TRMT10B: variants seen among roughly 807,000 people sequenced by gnomAD.
The protein encoded by TRMT10B is tRNA methyltransferase 10 homolog B.
In TRMT10B, 33 loss-of-function variants were observed where a neutral mutation model predicts 43.8. The ratio of observed to expected loss-of-function variants is 0.75; its 90% CI spans 0.57 to 1.01. The LOEUF is 1.01. TRMT10B is among the 50% of genes least tolerant of loss of function. The pLI is 0.00. For missense variants in TRMT10B, 362 were observed against 369.8 expected, an observed-to-expected ratio of 0.98 and a Z score of 0.17; for synonymous variants, 137 against 130.6, an observed-to-expected ratio of 1.05 and a Z score of -0.34.
intron 5 of TRMT10B, among the ~76,000 whole-genome samples, chr9:37,768,521 T>C (rs566775860): frequency 2.6e-5 from 4 of 152,344 alleles, no homozygotes; most frequent in Admixed American, 2.0e-4. Flanking sequence ...TTCTCATTAA[T>C]GGTGAATTGG....
chr9:37,775,050 A>G (rs1827993590), intron 7 of TRMT10B, among the ~76,000 whole-genome samples: 1 of 152,240 alleles, frequency 6.6e-6, no homozygotes, highest in African/African-American at 2.4e-5. Flanking sequence ...CCTTGGGGGA[A>G]TAGACCTAGG....
At chr9:37,756,967 G>C (rs917364092) in intron 1 of TRMT10B, among the ~76,000 whole-genome samples, 1 of 151,222 alleles carries the variant, frequency 6.6e-6, no homozygotes, top group Non-Finnish European at 1.5e-5. Flanking sequence ...CCAGGAGTTC[G>C]ATACTGGCCT....
intron 4 of TRMT10B, 34 bp from the exon 5 acceptor site, chr9:37,768,042 G>A: frequency 6.2e-7 from 1 of 1,609,550 alleles, no homozygotes; most frequent in Non-Finnish European, 8.5e-7. Context: ...GAGTTGGCAT[G>A]TTTTTGCCCT....
chr9:37,766,887 GTGTATAAGAATGCT>G lies in TRMT10B; in HGVS notation c.421-1185_421-1172del, dbSNP rs573776392. On this transcript the variant is annotated intron_variant, in intron 4 of 8. Coordinates refer to ENST00000297994, the MANE Select transcript of TRMT10B (RefSeq NM_144964.4). ...TGATTTGGCTGTTTGTCTGTTATTGGTGTATAAGAATGCTTGTGATTTTTGCACATTGATTTTGT... is the reference window on the plus strand; with the variant it reads ...TGATTTGGCTGTTTGTCTGTTATTGGTGTGATTTTTGCACATTGATTTTGT... The G allele has an allele frequency of 2.6e-5, 4 of 152,286 alleles. No individual in the cohort carries two copies. The South Asian group carries it at 8.3e-4, about 32-fold the overall frequency. 9.4% of individuals were successfully genotyped at this position (152,286 alleles called of 1,614,324 possible).
Position 37,762,083 on chromosome 9 carries a change from A to G in TRMT10B, c.152A>G (p.Glu51Gly). 6.2e-7 allele frequency: 1 copy of G among 1,614,030 alleles called. No individual in the cohort carries two copies. The highest frequency in any genetic ancestry group is 2.2e-5 in the East Asian group (1 of 44,870). ...GCGGAAGGCGAGTGCCAGGAGGGAG[A>G]GATCCTGGCCACAGGCAGTACGGCA... ...IDAEGECQEG[E>G]ILATGSTAWC... Residue 51 changes from glutamate (E) to glycine (G), a missense_variant, in exon 2 of 9, where the codon GAG becomes GGG. Coordinates refer to ENST00000297994, the MANE Select transcript of TRMT10B (RefSeq NM_144964.4).
intron 1 of TRMT10B, among the ~76,000 whole-genome samples, chr9:37,761,580 C>A (rs1464830448): frequency 3.3e-5 from 5 of 152,268 alleles, no homozygotes; most frequent in Admixed American, 3.3e-4. Context: ...TGCCTGTAAT[C>A]CCAGCTACTC....
chr9:37,752,928 A>C (rs546508216), upstream of TRMT10B, among the ~76,000 whole-genome samples: 3 of 152,106 alleles, frequency 2.0e-5, no homozygotes, highest in Non-Finnish European at 2.9e-5. Flanking sequence ...GCCTTTCTGG[A>C]CTGTGGGTGC....
chr9:37,771,964 C>T (rs1589040790), intron 7 of TRMT10B, among the ~76,000 whole-genome samples: 1 of 152,248 alleles, frequency 6.6e-6, no homozygotes, highest in East Asian at 1.9e-4. Context: ...CCACCTCAGC[C>T]TTCTGAGTAG....
In TRMT10B at chr9:37,770,037, T is replaced by A. The variant is rs1337665710; in HGVS notation, c.652+18T>A. 6.3e-7 allele frequency: 1 copy of A among 1,591,794 alleles called. No homozygotes were observed. Among genetic ancestry groups the A allele is most frequent in the South Asian group, 1.1e-5 (1 of 90,610 alleles). On this transcript the variant is annotated intron_variant, in intron 6 of 8. Transcript: ENST00000297994. ...AGAACACGGTATGTAGTTGAATGCA[T>A]GGATTCGTATAGCCCATTGTTCCTG...
chr9:37,776,386 G>C lies in TRMT10B; in HGVS notation c.825G>C (p.Glu275Asp). ...AGAATGGGAAAAACTATCATTCAGA[G>C]ATACTGGCCATCAATCAAGGTACTT... ...RNQNGKNYHS[E>D]ILAINQVFDI... is the part of the protein sequence containing the mutation. Residue 275 changes from glutamate (E) to aspartate (D), a missense_variant, in exon 8 of 9, where the codon GAG becomes GAC. By Grantham distance (45) the Glu-to-Asp change is conservative (BLOSUM62 2). Coordinates refer to ENST00000297994, the MANE Select transcript of TRMT10B (RefSeq NM_144964.4). The C allele has an allele frequency of 6.2e-7, 1 of 1,609,454 alleles. No homozygotes were observed. Among genetic ancestry groups the C allele is most frequent in the Non-Finnish European group, 8.5e-7 (1 of 1,178,544 alleles).
chr9:37,774,344 A>G lies in TRMT10B; in HGVS notation c.721-1938A>G, dbSNP rs143003031. On this transcript the variant is annotated intron_variant, in intron 7 of 8. Coordinates refer to ENST00000297994, the MANE Select transcript of TRMT10B (RefSeq NM_144964.4). ...GGCAGTTAAGTTCAGAGGGTCAGTG[A>G]GCAGTGCATGACTTACAGATGTGCA... is the stretch of plus-strand genomic sequence containing the variant. Among the ~76,000 whole-genome samples the G allele has an allele frequency of 3.0e-4, 45 of 152,324 alleles. 1 individual carries two copies. The East Asian group carries it at 3.3e-3, about 11-fold the overall frequency.
chr9:37,754,046 C>T (rs560259609), intron 1 of TRMT10B, among the ~76,000 whole-genome samples, 194 bp downstream of exon 1: 2 of 152,340 alleles, frequency 1.3e-5, no homozygotes, highest in South Asian at 4.1e-4. Context: ...GGGAGAGACC[C>T]GCAGGCGGGG....
chr9:37,760,138 T>C (rs963322709), intron 1 of TRMT10B, among the ~76,000 whole-genome samples: 1 of 152,148 alleles, frequency 6.6e-6, no homozygotes, highest in Non-Finnish European at 1.5e-5. Flanking sequence ...CCAGCCTGGC[T>C]AACATGGTGA....
chr9:37,769,256 T>C (rs10814619), intron 5 of TRMT10B, among the ~76,000 whole-genome samples: 81,368 of 145,746 alleles, frequency 0.56, 22,875 homozygotes, highest in African/African-American at 0.6. Flanking sequence ...TGCCGTGAGC[T>C]TAGATTATGC....
chr9:37,761,449 C>T (rs1217448533), intron 1 of TRMT10B, among the ~76,000 whole-genome samples: 1 of 152,006 alleles, frequency 6.6e-6, no homozygotes, highest in African/African-American at 2.4e-5. Context: ...CTGTAATCCC[C>T]GCACTTTGGG....
rs1826263202 is a variant in TRMT10B at position 37,760,939 on chromosome 9, G to GCCACACA, written c.-29-964_-29-963insCCACACA. Reference sequence around the variant, plus strand: ...AGATTTTGAACTCCACTTTGAAATTGACATCATTAAGTGTTGTGTAAGAGT... The same window carrying GCCACACA: ...AGATTTTGAACTCCACTTTGAAATTGCCACACAACATCATTAAGTGTTGTGTAAGAGT... On this transcript the variant is annotated intron_variant, in intron 1 of 8. Coordinates refer to ENST00000297994, the MANE Select transcript of TRMT10B (RefSeq NM_144964.4). Among the ~76,000 whole-genome samples the GCCACACA allele has an allele frequency of 9.2e-5, 14 of 152,276 alleles. No individual in the cohort carries two copies. The South Asian group carries it at 2.9e-3, about 32-fold the overall frequency.
intron 4 of TRMT10B, among the ~76,000 whole-genome samples, chr9:37,764,742 T>C (rs143173397): frequency 1.3e-5 from 2 of 152,200 alleles, no homozygotes; most frequent in African/African-American, 2.4e-5. Flanking sequence ...TGTGTTTTAA[T>C]TGATGCTCAT....
At chr9:37,763,159 A>AAAAC (rs1563991485) in intron 3 of TRMT10B, among the ~76,000 whole-genome samples, 14 of 143,102 alleles carry the variant, frequency 9.8e-5, no homozygotes, top group South Asian at 6.5e-4. Flanking sequence ...AAAAAAAAAA[A>AAAAC]AAAAAACAAA....
In TRMT10B at chr9:37,770,784, C is replaced by G. The variant is rs1187478167; in HGVS notation, c.720+45C>G. 1.9e-6 allele frequency: 3 copies of G among 1,596,130 alleles called. No homozygotes were observed. The East Asian group carries it at 6.7e-5, about 36-fold the overall frequency. ...CCAACATCTGTTTTAAAAAGCAGTGCTTACTTTTAGAGGCATGTGCCCTGT... is the reference window on the plus strand; with the variant it reads ...CCAACATCTGTTTTAAAAAGCAGTGGTTACTTTTAGAGGCATGTGCCCTGT... On this transcript the variant is annotated intron_variant, in intron 7 of 8. Transcript: ENST00000297994.
Sources: allele counts gnomAD v4.1 joint callset (sites outside exome capture counted in the v4.1 genomes callset), GRCh38; gene constraint gnomAD v4.1.1; transcripts MANE v1.5; gene names NCBI Gene and HGNC (gene_info 2026-07-23, HGNC 2026-07-21).